The following KLHL13 variants were observed in gnomAD, a reference collection of about 807,000 sequenced individuals.
KLHL13 encodes the protein kelch like family member 13, also known as kelch-like protein 13.
In KLHL13, 10 loss-of-function variants were observed where a neutral mutation model predicts 37.1. The ratio of observed to expected loss-of-function variants is 0.27; its 90% CI spans 0.17 to 0.46. KLHL13 has a LOEUF of 0.46. Among genes scored for constraint, KLHL13 ranks in the 20% least tolerant of loss-of-function variants. KLHL13 has a pLI of 1.00. For missense variants in KLHL13, 360 were observed against 509.3 expected, an observed-to-expected ratio of 0.71 and a Z score of 2.82; for synonymous variants, 163 against 181.2, an observed-to-expected ratio of 0.90 and a Z score of 0.81.
At chrX:117,966,817 C>A (rs1445580950) in intron 1 of KLHL13, among the ~76,000 whole-genome samples, 5 of 111,704 alleles carry the variant, frequency 4.5e-5, no homozygotes, top group African/African-American at 1.3e-4. Context: ...GGAAAGGATT[C>A]CCTATTTAAT....
At chrX:118,032,345 G>C (rs995744697) in intron 1 of KLHL13, among the ~76,000 whole-genome samples, 2 of 112,124 alleles carry the variant, frequency 1.8e-5, no homozygotes, top group Non-Finnish European at 3.8e-5. Context: ...GTCCCTGTCT[G>C]ACAGCTTTGA....
chrX:118,008,648 C>T (rs975747925), intron 1 of KLHL13, among the ~76,000 whole-genome samples: 2 of 111,495 alleles, frequency 1.8e-5, no homozygotes, highest in Non-Finnish European at 3.8e-5. Flanking sequence ...TAATGAGACA[C>T]AGGAGAGGTG....
At chrX:118,087,007 A>C (rs1439812034) in intron 1 of KLHL13, among the ~76,000 whole-genome samples, 1 of 111,698 alleles carries the variant, frequency 9.0e-6, no homozygotes, top group Non-Finnish European at 1.9e-5. Flanking sequence ...TTACTGCTAG[A>C]CATGACATTT....
intron 2 of KLHL13, among the ~76,000 whole-genome samples, chrX:117,938,095 T>A (rs184146262): frequency 1.4e-3 from 162 of 112,377 alleles, no homozygotes; most frequent in Non-Finnish European, 2.5e-3. Flanking sequence ...TAGTACTTCA[T>A]CTTTTAAAAT....
chrX:117,979,682 ATC>A (rs1259669156), intron 1 of KLHL13, among the ~76,000 whole-genome samples: 3 of 111,809 alleles, frequency 2.7e-5, no homozygotes, highest in African/African-American at 6.5e-5. Flanking sequence ...AGGGATATTT[ATC>A]TGTTAATTTG....
In KLHL13 at chrX:117,961,501, T is replaced by C. The variant is rs186704534; in HGVS notation, c.98+11230A>G. On this transcript the variant is annotated intron_variant, in intron 1 of 6. Coordinates refer to ENST00000262820, the Ensembl canonical transcript of KLHL13. ...TAACCCCAGGAATCTGTGGATATGT[T>C]GTTACATGGCAAAGGAGACTTTGAA... Among the ~76,000 whole-genome samples, 4 of 111,945 alleles carry C rather than the reference T, an allele frequency of 3.6e-5. No individual in the cohort carries two copies. In the East Asian group the frequency reaches 1.1e-3, roughly 31 times the overall value.
chrX:118,106,809 C>T (rs2055352634), intron 1 of KLHL13, among the ~76,000 whole-genome samples: 4 of 112,136 alleles, frequency 3.6e-5, no homozygotes, highest in Admixed American at 2.8e-4. Context: ...ACACCTAAAG[C>T]TGTTCTCAAT....
At chrX:118,002,733 G>A in intron 1 of KLHL13, among the ~76,000 whole-genome samples, 1 of 111,167 alleles carries the variant, frequency 9.0e-6, no homozygotes, top group Middle Eastern at 4.6e-3. Context: ...ACAGAGAAGG[G>A]CCTAAAATAA....
chrX:118,090,851 C>A (rs888041085), intron 1 of KLHL13, among the ~76,000 whole-genome samples: 1 of 109,235 alleles, frequency 9.2e-6, no homozygotes, highest in Non-Finnish European at 1.9e-5. Flanking sequence ...CGGCACTATT[C>A]ACAATAGCAA....
chrX:118,111,361 A>G (rs2055407650), intron 1 of KLHL13, among the ~76,000 whole-genome samples: 1 of 113,240 alleles, frequency 8.8e-6, no homozygotes, highest in South Asian at 3.6e-4. Flanking sequence ...ACCCTATGTC[A>G]GTTTAAGTCA....
chrX:118,001,000 T>C (rs760527532), intron 1 of KLHL13, among the ~76,000 whole-genome samples: 8 of 112,033 alleles, frequency 7.1e-5, no homozygotes, highest in African/African-American at 1.3e-4. Context: ...TTTAATTTCA[T>C]TAAATTAAGG....
At chrX:118,099,930 G>A (rs1323179642) in intron 1 of KLHL13, among the ~76,000 whole-genome samples, 1 of 107,838 alleles carries the variant, frequency 9.3e-6, no homozygotes, top group Non-Finnish European at 1.9e-5. Flanking sequence ...AAGGAAGGAA[G>A]GAAGGAAGGA....
intron 2 of KLHL13, among the ~76,000 whole-genome samples, chrX:117,924,324 G>A (rs1329088900): frequency 8.9e-6 from 1 of 111,962 alleles, no homozygotes; most frequent in African/African-American, 3.2e-5. Flanking sequence ...TTCTAGTGAA[G>A]TATGCATACA....
At chrX:117,967,872 T>C (rs916510479) in intron 1 of KLHL13, among the ~76,000 whole-genome samples, 4 of 111,768 alleles carry the variant, frequency 3.6e-5, no homozygotes, top group African/African-American at 9.7e-5. Context: ...AGCAATCTGA[T>C]TGTAAGGCCT....
intron 1 of KLHL13, among the ~76,000 whole-genome samples, chrX:118,049,228 T>C (rs2054590035): frequency 8.9e-6 from 1 of 111,816 alleles, no homozygotes; most frequent in Non-Finnish European, 1.9e-5. Flanking sequence ...TCAAATAAAA[T>C]TTTGATAAGT....
intron 1 of KLHL13, among the ~76,000 whole-genome samples, chrX:118,030,183 A>C (rs2054321159): frequency 9.0e-6 from 1 of 111,427 alleles, no homozygotes; most frequent in Non-Finnish European, 1.9e-5. Context: ...ATTTATGTTT[A>C]TTTGTACAAT....
chrX:117,924,947 C>G (rs960905785), intron 2 of KLHL13, among the ~76,000 whole-genome samples: 1 of 110,504 alleles, frequency 9.0e-6, no homozygotes, highest in African/African-American at 3.3e-5. Context: ...CATGTTTTTT[C>G]TCTTCACTGT....
At position 117,991,616 on chromosome X, in the gene KLHL13, G is replaced by T. The variant is rs12847907; in HGVS notation, c.-55-46041C>A. Among the ~76,000 whole-genome samples, 768 of 110,404 alleles carry T rather than the reference G, an allele frequency of 7.0e-3. 11 individuals carry two copies. The highest frequency in any genetic ancestry group is 0.024 in the African/African-American group (726 of 30,305). On this transcript the variant is annotated intron_variant, in intron 1 of 6. Coordinates refer to the KLHL13 transcript ENST00000371882. ...TATTCAACCCTATTTCCCATTACAGGTAATCCCAGATTTGCACACAACTAA... is the reference window on the plus strand; with the variant it reads ...TATTCAACCCTATTTCCCATTACAGTTAATCCCAGATTTGCACACAACTAA...
In KLHL13 at chrX:117,996,831, A is replaced by T. The variant is rs1480557042; in HGVS notation, c.-55-51256T>A. ...ACACTGATCAAATCATAGCCTATTT[A>T]AAAAAAAAAAAAAAGCTACATGTGC... On this transcript the variant is annotated intron_variant, in intron 1 of 6. Coordinates refer to the KLHL13 transcript ENST00000371882. Among the ~76,000 whole-genome samples, 3 of 72,439 alleles carry T rather than the reference A, an allele frequency of 4.1e-5. No individual in the cohort carries two copies. The East Asian group carries it at 9.3e-4, about 23-fold the overall frequency. 62.9% of individuals were successfully genotyped at this position (72,439 alleles called of 115,157 possible).
Sources: gnomAD v4.1 joint callset for allele counts (sites outside exome capture counted in the v4.1 genomes callset) on GRCh38, gnomAD v4.1.1 for gene constraint, MANE v1.5 for transcripts, NCBI Gene and HGNC (gene_info 2026-07-23, HGNC 2026-07-21) for gene names.